MEGF11: variants seen among roughly 807,000 people sequenced by gnomAD.
The protein encoded by MEGF11 is multiple epidermal growth factor-like domains protein 11.
MEGF11 carries 126 observed loss-of-function variants against 146.6 expected under a neutral mutation model. The ratio of observed to expected loss-of-function variants is 0.86; its 90% CI spans 0.74 to 1.00. The LOEUF is 1.00. MEGF11 is among the 50% of genes least tolerant of loss of function. The pLI, the probability that MEGF11 is intolerant of heterozygous loss-of-function variation, is 0.00. For synonymous variants in MEGF11, 532 were observed against 583.4 expected (o/e 0.91, Z 1.27); for missense variants, 1,509 against 1,521.2 (o/e 0.99, Z 0.13).
chr15:66,051,737 G>GA (rs1011460284), intron 5 of MEGF11, among the ~76,000 whole-genome samples: 3 of 152,182 alleles, frequency 2.0e-5, no homozygotes, highest in African/African-American at 4.8e-5. Flanking sequence ...CCAGGGCTTA[G>GA]AACTCAGAGG....
chr15:66,134,736 G>A (rs1301823990), intron 1 of MEGF11, among the ~76,000 whole-genome samples: 2 of 152,388 alleles, frequency 1.3e-5, no homozygotes, highest in East Asian at 3.9e-4. Flanking sequence ...GAGGGAGGGA[G>A]CCCTCGAGAA....
intron 1 of MEGF11, among the ~76,000 whole-genome samples, chr15:66,182,349 G>A (rs2090572501): frequency 6.6e-6 from 1 of 152,124 alleles, no homozygotes; most frequent in South Asian, 2.1e-4. Context: ...TGATCCTCGG[G>A]GCCCACACCA....
chr15:66,039,059 C>T (rs147933083), intron 5 of MEGF11, among the ~76,000 whole-genome samples: 72 of 152,310 alleles, frequency 4.7e-4, no homozygotes, highest in African/African-American at 1.6e-3. Flanking sequence ...GTCTCGGGCT[C>T]CACCTCAGCC....
intron 5 of MEGF11, among the ~76,000 whole-genome samples, chr15:66,065,300 T>TG (rs1000137346): frequency 2.1e-5 from 3 of 140,554 alleles, no homozygotes; most frequent in Non-Finnish European, 4.6e-5. Context: ...TCTATGATGG[T>TG]GAAAAAAAAA....
intron 5 of MEGF11, among the ~76,000 whole-genome samples, chr15:66,039,369 G>T (rs1392603521): frequency 6.6e-6 from 1 of 152,202 alleles, no homozygotes; most frequent in African/African-American, 2.4e-5. Flanking sequence ...AGTGATTCTT[G>T]ATCTCAGCCT....
At chr15:66,135,606 A>C (rs1248366089) in intron 1 of MEGF11, among the ~76,000 whole-genome samples, 2 of 152,118 alleles carry the variant, frequency 1.3e-5, no homozygotes, top group Non-Finnish European at 2.9e-5. Context: ...AGGCCTTTGC[A>C]GGTATTGATG....
intron 5 of MEGF11, among the ~76,000 whole-genome samples, chr15:66,074,163 A>T (rs1427725554): frequency 6.6e-6 from 1 of 152,080 alleles, no homozygotes; most frequent in African/African-American, 2.4e-5. Flanking sequence ...TTTGATGTGG[A>T]TCCTTTCTAT....
intron 1 of MEGF11, among the ~76,000 whole-genome samples, chr15:66,192,673 C>A (rs1435986036): frequency 6.6e-6 from 1 of 152,082 alleles, no homozygotes. Flanking sequence ...GCCCCTTAAC[C>A]ACCACTATAT....
At chr15:65,930,107 G>A (rs373720864) in intron 11 of MEGF11, among the ~76,000 whole-genome samples, 74 of 152,324 alleles carry the variant, frequency 4.9e-4, no homozygotes, top group Middle Eastern at 3.4e-3. Flanking sequence ...TGTTTGTGCT[G>A]CAGGCAGATG....
At chr15:65,983,014 T>G (rs893350359) in intron 5 of MEGF11, among the ~76,000 whole-genome samples, 8 of 152,090 alleles carry the variant, frequency 5.3e-5, no homozygotes, top group African/African-American at 1.9e-4. Flanking sequence ...CCACACGCAT[T>G]GGTTTTCTCA....
chr15:65,916,246 C>T lies in MEGF11; in HGVS notation c.2246G>A (p.Cys749Tyr). Residue 749 changes from cysteine to tyrosine, a missense_variant, in exon 18 of 26, where the codon TGT (cysteine) becomes TAT (tyrosine). By Grantham distance (194) the Cys-to-Tyr change is radical. Transcript: ENST00000395614. ...ATTCTGACACTGGCATACGCGCCCA[C>T]AGTCCTTCCCAAAAAATGCTGCTGG... ...RCPAAFFGKD[C>Y]GRVCQCQNGA... 2 of 1,558,360 alleles carry T rather than the reference C, an allele frequency of 1.3e-6. No homozygotes were observed. Among genetic ancestry groups the T allele is most frequent in the Non-Finnish European group, 8.7e-7 (1 of 1,151,004 alleles).
At chr15:66,242,280 A>G (rs7176609) in intron 1 of MEGF11, among the ~76,000 whole-genome samples, 127,187 of 151,462 alleles carry the variant, frequency 0.84, 53,572 homozygotes, top group East Asian at 0.99. Flanking sequence ...ATGCCAGTGC[A>G]CACCTATGTT....
At chr15:66,183,209 A>T (rs919701232) in intron 1 of MEGF11, among the ~76,000 whole-genome samples, 4 of 152,184 alleles carry the variant, frequency 2.6e-5, no homozygotes, top group African/African-American at 9.7e-5. Flanking sequence ...AGGAGAAGAT[A>T]CACACGGTGG....
Position 65,897,401 on chromosome 15 carries a change from T to G in MEGF11, c.*533A>C, listed in dbSNP as rs2078377945. On this transcript the variant is annotated 3_prime_UTR_variant, in exon 26 of 26. Coordinates refer to ENST00000395614, the MANE Select transcript of MEGF11 (RefSeq NM_001385028.1). ...TGTAATCTTGGCTGTTGTAATTTGA[T>G]GGACCAGACAGATATGTACAGACAT... 2 of 152,232 alleles carry G rather than the reference T, an allele frequency of 1.3e-5. No homozygotes were observed. The highest frequency in any genetic ancestry group is 2.4e-5 in the African/African-American group (1 of 41,454). 9.4% of individuals were successfully genotyped at this position (152,232 alleles called of 1,614,324 possible).
chr15:66,063,453 G>A (rs1398517227), intron 5 of MEGF11, among the ~76,000 whole-genome samples: 19 of 152,156 alleles, frequency 1.2e-4, no homozygotes, highest in Admixed American at 1.2e-3. Context: ...ATTTCTGATG[G>A]GCCCCTGGGG....
At position 65,917,976 on chromosome 15, in the gene MEGF11, G is replaced by T. The variant is rs1441023329; in HGVS notation, c.2076C>A (p.Asp692Glu). The T allele has an allele frequency of 6.2e-7, 1 of 1,614,028 alleles. No individual in the cohort carries two copies. Among genetic ancestry groups the T allele is most frequent in the Non-Finnish European group, 8.5e-7 (1 of 1,179,892 alleles). The change falls in exon 16 of 26, where the codon GAC (aspartate) becomes GAA (glutamate). Residue 692 changes from aspartate to glutamate, a missense_variant. Physicochemically the swap from Asp to Glu is conservative, Grantham distance 45 (BLOSUM62 2). Coordinates refer to ENST00000395614, the MANE Select transcript of MEGF11 (RefSeq NM_001385028.1). ...GTGGCAGCAGCTTACCCTGTGAGCA[G>T]TCCTTGCCAATCCATCCAGGAAAGC... is the stretch of plus-strand genomic sequence containing the variant. ...CQCFPGWIGK[D>E]CSQACPPGFW...
At chr15:66,085,334 T>C (rs1391566711) in intron 5 of MEGF11, among the ~76,000 whole-genome samples, 1 of 152,106 alleles carries the variant, frequency 6.6e-6, no homozygotes, top group Non-Finnish European at 1.5e-5. Flanking sequence ...AGCTGATGCT[T>C]TCTGGAAAGC....
intron 1 of MEGF11, among the ~76,000 whole-genome samples, chr15:66,245,304 A>G (rs1297273225): frequency 1.3e-5 from 2 of 151,862 alleles, no homozygotes; most frequent in African/African-American, 4.8e-5. Context: ...GGTGCTATGG[A>G]AAAAAAATGT....
chr15:66,145,872 T>C (rs1046748222), intron 1 of MEGF11, among the ~76,000 whole-genome samples: 3 of 152,192 alleles, frequency 2.0e-5, no homozygotes, highest in African/African-American at 7.2e-5. Context: ...AGATAGCAAT[T>C]GTATCCATTG....
Sources: gnomAD v4.1 joint callset for allele counts (sites outside exome capture counted in the v4.1 genomes callset) on GRCh38, gnomAD v4.1.1 for gene constraint, MANE v1.5 for transcripts, NCBI Gene and HGNC (gene_info 2026-07-23, HGNC 2026-07-21) for gene names.